ATXN7L1: variants seen among roughly 807,000 people sequenced by gnomAD.
The protein encoded by ATXN7L1 is ataxin-7-like protein 1.
A neutral mutation model predicts 70.8 loss-of-function variants in ATXN7L1; 15 were observed. The observed-to-expected ratio is 0.21, with a 90% confidence interval of 0.14 to 0.33. ATXN7L1 has a LOEUF of 0.33. Among genes scored for constraint, ATXN7L1 ranks in the 10% least tolerant of loss-of-function variants. ATXN7L1 has a pLI of 1.00. For missense variants in ATXN7L1, 975 were observed against 1,097.1 expected, an observed-to-expected ratio of 0.89 and a Z score of 1.57; for synonymous variants, 440 against 445.1, an observed-to-expected ratio of 0.99 and a Z score of 0.14.
At chr7:105,757,793 T>C (rs1292920407) in intron 3 of ATXN7L1, among the ~76,000 whole-genome samples, 2 of 151,592 alleles carry the variant, frequency 1.3e-5, no homozygotes, top group Admixed American at 1.3e-4. Flanking sequence ...TCTCATTATA[T>C]TGCCCAGGCT....
At chr7:105,864,456 CAAAAAAAAAAAAAA>C (rs34739253) in intron 2 of ATXN7L1, among the ~76,000 whole-genome samples, 15 of 41,078 alleles carry the variant, frequency 3.7e-4, no homozygotes, top group Middle Eastern at 0.024. Context: ...GGCCCTGTCT[CAAAAAAAAAAAAAA>C]AAAAAAAAAA....
chr7:105,800,327 C>G (rs185733369), intron 2 of ATXN7L1, among the ~76,000 whole-genome samples: 8 of 152,314 alleles, frequency 5.3e-5, no homozygotes, highest in Admixed American at 5.2e-4. Flanking sequence ...CCCGACTCTT[C>G]CCTCCATACT....
intron 3 of ATXN7L1, among the ~76,000 whole-genome samples, chr7:105,705,323 G>A (rs1401033980): frequency 6.8e-6 from 1 of 146,226 alleles, no homozygotes; most frequent in East Asian, 2.0e-4. Flanking sequence ...ACCATGCCCG[G>A]CCGAGTATTT....
At chr7:105,639,451 G>T in intron 6 of ATXN7L1, 36 bp downstream of exon 6, 1 of 1,501,996 alleles carries the variant, frequency 6.7e-7, no homozygotes, top group Non-Finnish European at 9.1e-7. Context: ...AGGCCCCAGC[G>T]AGAGCAGGAA....
chr7:105,804,980 A>C (rs568747548), intron 2 of ATXN7L1, among the ~76,000 whole-genome samples: 1 of 152,322 alleles, frequency 6.6e-6, no homozygotes, highest in South Asian at 2.1e-4. Context: ...GTCAGTTATG[A>C]ATAAACACCC....
intron 4 of ATXN7L1, among the ~76,000 whole-genome samples, chr7:105,663,471 G>A (rs924055741): frequency 1.3e-5 from 2 of 152,178 alleles, no homozygotes; most frequent in Admixed American, 6.5e-5. Context: ...GCCTAGGTAC[G>A]AACTTAAGTG....
At chr7:105,737,859 G>T (rs10269007) in intron 3 of ATXN7L1, among the ~76,000 whole-genome samples, 31,519 of 152,088 alleles carry the variant, frequency 0.21, 3,469 homozygotes, top group East Asian at 0.33. Flanking sequence ...GGTGACAAGA[G>T]TCCAATGGCA....
intron 2 of ATXN7L1, among the ~76,000 whole-genome samples, chr7:105,816,814 C>G (rs146495175): frequency 1.3e-5 from 2 of 152,322 alleles, no homozygotes; most frequent in African/African-American, 2.4e-5. Context: ...GCAGGGAGCA[C>G]GGTGAGATGC....
At chr7:105,747,881 G>A (rs1798754286) in intron 3 of ATXN7L1, among the ~76,000 whole-genome samples, 1 of 71,028 alleles carries the variant, frequency 1.4e-5, no homozygotes, top group Admixed American at 1.6e-4. Context: ...AGCACTTTGG[G>A]AGGCTGAGTG....
intron 9 of ATXN7L1, among the ~76,000 whole-genome samples, chr7:105,618,431 T>TA (rs1794245732): frequency 6.6e-6 from 1 of 152,172 alleles, no homozygotes; most frequent in Non-Finnish European, 1.5e-5. Context: ...ACCTACCTTA[T>TA]AGTAAATGTT....
chr7:105,790,415 C>A lies in ATXN7L1; in HGVS notation c.251-1707G>T, dbSNP rs114433262. Among the ~76,000 whole-genome samples, 1,056 of 151,886 alleles carry A rather than the reference C, an allele frequency of 7.0e-3. 17 individuals carry two copies. The highest frequency in any genetic ancestry group is 0.025 in the African/African-American group (1,019 of 41,368). ...AAACGAAGTGAGACCCCCATCTCTA[C>A]GAAAAATGTACAAAAATCAGCCGGG... is the stretch of plus-strand genomic sequence containing the variant. On this transcript the variant is annotated intron_variant, in intron 2 of 11. Transcript: ENST00000419735.
At chr7:105,814,246 T>C (rs1183938925) in intron 2 of ATXN7L1, among the ~76,000 whole-genome samples, 1 of 152,198 alleles carries the variant, frequency 6.6e-6, no homozygotes, top group African/African-American at 2.4e-5. Context: ...GATGGCCCCC[T>C]GAAATTGACT....
In ATXN7L1 at chr7:105,614,077, G is replaced by A. The variant is rs769368632; in HGVS notation, c.2257C>T (p.His753Tyr). The A allele has an allele frequency of 1.3e-6, 2 of 1,551,750 alleles. No homozygotes were observed. Among genetic ancestry groups the A allele is most frequent in the Non-Finnish European group, 1.7e-6 (2 of 1,147,000 alleles). ...GAGGCCAGAGAGAGGTCCCCTGCGT[G>A]GAGCGCAAGGGAGGGCACAGAGAGG... ...CPLSVPSLAL[H>Y]AGDLSLASHN... Residue 753 changes from histidine to tyrosine, a missense_variant, in exon 10 of 12, where the codon CAC becomes TAC. Physicochemically the swap from His to Tyr is moderately conservative, Grantham distance 83. Transcript: ENST00000419735. This position sits in a 1 kb window ranked among gnomAD's most constrained non-coding sequence, Gnocchi z 4.3.
At chr7:105,721,135 G>A (rs1020411009) in intron 3 of ATXN7L1, among the ~76,000 whole-genome samples, 1 of 152,128 alleles carries the variant, frequency 6.6e-6, no homozygotes, top group Non-Finnish European at 1.5e-5. Flanking sequence ...CAGAACACGG[G>A]GTCCCTGACT....
chr7:105,752,876 A>G (rs1290693041), intron 3 of ATXN7L1, among the ~76,000 whole-genome samples: 1 of 152,210 alleles, frequency 6.6e-6, no homozygotes, highest in Non-Finnish European at 1.5e-5. Flanking sequence ...CTCCCGGTAC[A>G]AAGTGGATTA....
At chr7:105,754,064 T>A (rs902945822) in intron 3 of ATXN7L1, among the ~76,000 whole-genome samples, 1 of 152,136 alleles carries the variant, frequency 6.6e-6, no homozygotes, top group Non-Finnish European at 1.5e-5. Context: ...TAGCACAAAT[T>A]AGACAATCTG....
In ATXN7L1 at chr7:105,609,262, C is replaced by T. The variant is rs1056847948; in HGVS notation, c.2547+1267G>A. Among the ~76,000 whole-genome samples the T allele has an allele frequency of 4.6e-5, 7 of 151,282 alleles. No individual in the cohort carries two copies. In the East Asian group the frequency reaches 5.8e-4, roughly 13 times the overall value. ...TTGGCTCACTGCAACCTCCATCTCC[C>T]GGGTTCAAGTGATTCTCCTGCCTCA... On this transcript the variant is annotated intron_variant, in intron 11 of 11. Coordinates refer to ENST00000419735, the MANE Select transcript of ATXN7L1 (RefSeq NM_020725.2).
At chr7:105,709,889 T>TG (rs975612071) in intron 3 of ATXN7L1, among the ~76,000 whole-genome samples, 14 of 151,566 alleles carry the variant, frequency 9.2e-5, no homozygotes, top group East Asian at 3.9e-4. Context: ...TTTTTTTTTT[T>TG]TGATACAGAG....
chr7:105,790,773 G>A (rs1192628883), intron 2 of ATXN7L1, among the ~76,000 whole-genome samples: 1 of 151,710 alleles, frequency 6.6e-6, no homozygotes, highest in African/African-American at 2.4e-5. Flanking sequence ...GTGCACCATC[G>A]GGTGGAGACA....
Sources: allele counts gnomAD v4.1 joint callset (sites outside exome capture counted in the v4.1 genomes callset), GRCh38; gene constraint gnomAD v4.1.1; non-coding constraint Gnocchi (gnomAD v3.1); transcripts MANE v1.5; gene names NCBI Gene and HGNC (gene_info 2026-07-23, HGNC 2026-07-21).